Variants in PHIP observed in about 807,000 individuals in gnomAD.
PHIP encodes the protein PHIP subunit of CUL4-Ring ligase complex, also known as PH-interacting protein.
In PHIP, 54 loss-of-function variants were observed where a neutral mutation model predicts 236.8. The ratio of observed to expected loss-of-function variants is 0.23; its 90% CI spans 0.18 to 0.29. PHIP has a LOEUF of 0.29. Among genes scored for constraint, PHIP ranks in the 10% least tolerant of loss-of-function variants. The pLI, the probability that PHIP is intolerant of heterozygous loss-of-function variation, is 1.00. For missense variants in PHIP, 1,370 were observed against 2,190.8 expected (o/e 0.63, Z 7.48); for synonymous variants, 756 against 718.9 (o/e 1.05, Z -0.83).
intron 31 of PHIP, 38 bp from the exon 32 acceptor site, chr6:78,958,638 T>C (rs1351626856): frequency 5.0e-6 from 6 of 1,203,784 alleles, no homozygotes; most frequent in Non-Finnish European, 6.1e-6. Context: ...AACTTCCTTA[T>C]ATTTAGAAAT....
At chr6:79,054,342 CA>C (rs70977758) in intron 6 of PHIP, among the ~76,000 whole-genome samples, 83 of 133,702 alleles carry the variant, frequency 6.2e-4, no homozygotes, top group East Asian at 8.3e-4. Flanking sequence ...ATCATTAAAC[CA>C]AAAAAAAAAA....
chr6:78,943,107 T>C (rs886081931), intron 39 of PHIP, among the ~76,000 whole-genome samples: 1 of 152,134 alleles, frequency 6.6e-6, no homozygotes, highest in Non-Finnish European at 1.5e-5. Flanking sequence ...TTGGATATAA[T>C]GGGATAAATA....
rs1766572256 is a variant in PHIP, at chr6:78,958,532, C to G, written c.3725G>C (p.Gly1242Ala). The change falls in exon 32 of 40, where the codon GGA becomes GCA. Residue 1242 changes from glycine (G) to alanine (A), a missense_variant. By Grantham distance (60) the Gly-to-Ala change is moderately conservative (BLOSUM62 0). Transcript: ENST00000275034. ...TTTAGCAGATTTCACAATAGGGCTT[C>G]CAGGCTCATTAAATGTTCGTGTATT... ...EHNTRTFNEPGSPIVKSAKFV... is the reference protein window; with the variant it reads ...EHNTRTFNEPASPIVKSAKFV... 1 of 1,573,666 alleles carries G rather than the reference C, an allele frequency of 6.4e-7. No homozygotes were observed. Among genetic ancestry groups the G allele is most frequent in the Non-Finnish European group, 8.7e-7 (1 of 1,143,906 alleles).
At chr6:78,986,502 A>T (rs971157906) in intron 21 of PHIP, among the ~76,000 whole-genome samples, 1 of 152,218 alleles carries the variant, frequency 6.6e-6, no homozygotes, top group Non-Finnish European at 1.5e-5. Context: ...GAGTTACTTA[A>T]ATAAACAAAC....
chr6:79,009,540 A>G (rs1401946616), intron 15 of PHIP, among the ~76,000 whole-genome samples: 1 of 152,140 alleles, frequency 6.6e-6, no homozygotes, highest in East Asian at 1.9e-4. Context: ...TATATTTTGT[A>G]TATTTTGTCT....
chr6:79,057,481 C>T (rs1215642736), intron 6 of PHIP, among the ~76,000 whole-genome samples: 6 of 152,024 alleles, frequency 3.9e-5, no homozygotes, highest in African/African-American at 9.7e-5. Context: ...TGTGTAACTT[C>T]TCAGTAAATA....
rs548688172 is a variant in PHIP, at chr6:78,943,314, A to G, written c.4829-1984T>C. Among the ~76,000 whole-genome samples, 4 of 152,300 alleles carry G rather than the reference A, an allele frequency of 2.6e-5. No homozygotes were observed. In the East Asian group the frequency reaches 7.7e-4, roughly 29 times the overall value. On this transcript the variant is annotated intron_variant, in intron 39 of 39. Transcript: ENST00000275034. ...AATGATATTTCTATACAGTACCAGT[A>G]CTCGAGTATTTGTAATACTCAAAAA... is the stretch of plus-strand genomic sequence containing the variant.
intron 24 of PHIP, among the ~76,000 whole-genome samples, chr6:78,976,787 A>G (rs1338847873): frequency 6.8e-6 from 1 of 146,218 alleles, no homozygotes; most frequent in East Asian, 2.0e-4. Context: ...GCTCACCATC[A>G]CTGCCCATCA....
chr6:79,063,071 C>T (rs561148321), intron 4 of PHIP, among the ~76,000 whole-genome samples: 4 of 152,176 alleles, frequency 2.6e-5, no homozygotes, highest in Non-Finnish European at 4.4e-5. Context: ...CAGCTACGAT[C>T]TTCTTCCCTG....
rs1302999479 is a variant in PHIP, at chr6:78,990,898, T to C, written c.2289A>G (p.Pro763=). 2 of 1,600,814 alleles carry C rather than the reference T, an allele frequency of 1.2e-6. No individual in the cohort carries two copies. Among genetic ancestry groups the C allele is most frequent in the African/African-American group, 1.3e-5 (1 of 74,660 alleles). ...SEEKRKHLTV[P]KENKIPTVSK... ...AGACAGTGGGTATTTTATTCTCTTTTGGAACAGTTAAGTGTTTTCTTTTCT... is the reference window on the plus strand; with the variant it reads ...AGACAGTGGGTATTTTATTCTCTTTCGGAACAGTTAAGTGTTTTCTTTTCT... The change falls in exon 20 of 40, where the codon CCA becomes CCG. Residue 763 remains proline, a synonymous_variant. Coordinates refer to ENST00000275034, the MANE Select transcript of PHIP (RefSeq NM_017934.7).
At chr6:78,969,680 C>A (rs914531773) in intron 27 of PHIP, among the ~76,000 whole-genome samples, 155 bp downstream of exon 27, 1 of 151,980 alleles carries the variant, frequency 6.6e-6, no homozygotes, top group Admixed American at 6.6e-5. Context: ...CTTAACAATA[C>A]CTCTGACATA....
Position 78,979,036 on chromosome 6 carries a change from C to T in PHIP, c.2770-325G>A, listed in dbSNP as rs183109252. 6.4e-4 allele frequency among the ~76,000 whole-genome samples: 98 copies of T among 152,218 alleles called. 1 individual carries two copies. In the South Asian group the frequency reaches 8.1e-3, roughly 13 times the overall value. On this transcript the variant is annotated intron_variant, in intron 23 of 39. Coordinates refer to ENST00000275034, the MANE Select transcript of PHIP (RefSeq NM_017934.7). ...GGTATTATAAATAATCTAGAAATGA[C>T]TTAAAGTATATAGGAGACTGTGTGT...
chr6:78,985,784 G>A (rs1038470999), intron 21 of PHIP, among the ~76,000 whole-genome samples: 3 of 152,112 alleles, frequency 2.0e-5, no homozygotes, highest in African/African-American at 7.2e-5. Flanking sequence ...GGAGGTTGCC[G>A]TGAGCTGAGA....
intron 22 of PHIP, among the ~76,000 whole-genome samples, chr6:78,984,658 A>C (rs1768756558): frequency 6.6e-6 from 1 of 152,132 alleles, no homozygotes; most frequent in South Asian, 2.1e-4. Context: ...ATAACCACAC[A>C]CATTTGCACA....
At position 79,025,509 on chromosome 6, in the gene PHIP, A is replaced by G; in HGVS notation, c.923+10T>C. On this transcript the variant is annotated intron_variant, in intron 9 of 39. Transcript: ENST00000275034. The stretch of plus-strand genomic sequence containing the variant: ...ACACATTTAATCTATGAAATAAAAT[A>G]GAAACTGACTTTATTTTAAGGGTTC... 1 of 1,514,178 alleles carries G rather than the reference A, an allele frequency of 6.6e-7. No individual in the cohort carries two copies. Among genetic ancestry groups the G allele is most frequent in the African/African-American group, 1.4e-5 (1 of 72,992 alleles). The allele number at this position is 1,514,178 out of a possible 1,614,324, so 93.8% of individuals were successfully genotyped here. A position where few individuals can be genotyped will look rare whatever the true frequency, so the allele number is the denominator to read the frequency against.
In PHIP at chr6:79,030,690, A is replaced by T. The variant is rs575595690; in HGVS notation, c.601-4526T>A. ...GAAGAGGTTTAGGTTAGAGATAGAG[A>T]TCTGGGTGTTATCAGTTTATACCAT... On this transcript the variant is annotated intron_variant, in intron 7 of 39. Transcript: ENST00000275034. 1.4e-4 allele frequency among the ~76,000 whole-genome samples: 22 copies of T among 152,278 alleles called. No individual in the cohort carries two copies. The South Asian group carries it at 3.9e-3, about 27-fold the overall frequency.
At chr6:79,025,749 T>C in intron 8 of PHIP, 130 bp from the exon 9 acceptor site, 1 of 718,042 alleles carries the variant, frequency 1.4e-6, no homozygotes, top group Non-Finnish European at 2.4e-6. Flanking sequence ...AAGGTTATGT[T>C]ATTTAAAGTC....
intron 9 of PHIP, among the ~76,000 whole-genome samples, chr6:79,021,866 G>C (rs1272371868): frequency 6.6e-6 from 1 of 151,988 alleles, no homozygotes; most frequent in African/African-American, 2.4e-5. Context: ...AATAACTAAA[G>C]GAGTGTAATT....
At chr6:78,990,728 T>C (rs1227132704) in intron 20 of PHIP, 140 bp downstream of exon 20, 5 of 489,412 alleles carry the variant, frequency 1.0e-5, no homozygotes, top group East Asian at 3.4e-5. Context: ...CAATAGATAA[T>C]CCAGAGATAA....
Sources: gnomAD v4.1 joint callset for allele counts (sites outside exome capture counted in the v4.1 genomes callset) on GRCh38, gnomAD v4.1.1 for gene constraint, MANE v1.5 for transcripts, NCBI Gene and HGNC (gene_info 2026-07-23, HGNC 2026-07-21) for gene names.